Variants in AFF2 observed in about 807,000 individuals in gnomAD.
AFF2 encodes the protein AF4/FMR2 family member 2.
In AFF2, 14 loss-of-function variants were observed where a neutral mutation model predicts 76.9. The ratio of observed to expected loss-of-function variants is 0.18; its 90% CI spans 0.12 to 0.28. The LOEUF is 0.28. AFF2 is among the 10% of genes least tolerant of loss of function. AFF2 has a pLI of 1.00. For synonymous variants in AFF2, 398 were observed against 366.7 expected (o/e 1.09, Z -0.98); for missense variants, 868 against 1,001.1 (o/e 0.87, Z 1.79).
intron 1 of AFF2, among the ~76,000 whole-genome samples, chrX:148,627,080 A>C (rs1382423936): frequency 9.0e-6 from 1 of 111,432 alleles, no homozygotes; most frequent in Non-Finnish European, 1.9e-5. Context: ...ACATGGTGTC[A>C]TGCACCTGTA....
At chrX:148,910,639 G>T (rs1203899762) in intron 9 of AFF2, among the ~76,000 whole-genome samples, 1 of 112,160 alleles carries the variant, frequency 8.9e-6, no homozygotes, top group African/African-American at 3.2e-5. Context: ...CTGGTGCTGA[G>T]GTATGGCAAG....
intron 1 of AFF2, among the ~76,000 whole-genome samples, chrX:148,533,747 C>A (rs1390895518): frequency 8.9e-6 from 1 of 112,013 alleles, no homozygotes; most frequent in Non-Finnish European, 1.9e-5. Context: ...CTAATAAGAA[C>A]TTTAATAAGG....
intron 3 of AFF2, among the ~76,000 whole-genome samples, chrX:148,737,323 G>GT (rs1174207749): frequency 1.8e-5 from 2 of 110,984 alleles, no homozygotes; most frequent in Non-Finnish European, 3.8e-5. Context: ...CCTTGTAGAT[G>GT]TTTTTTTCTC....
rs782085653 is a variant in AFF2 at position 148,811,957 on chromosome X, T to C, written c.1086+2037T>C. 3.6e-5 allele frequency among the ~76,000 whole-genome samples: 4 copies of C among 111,331 alleles called. No homozygotes were observed. In the South Asian group the frequency reaches 1.5e-3, roughly 42 times the overall value. On this transcript the variant is annotated intron_variant, in intron 4 of 20. Transcript: ENST00000370460. Reference sequence around the variant, plus strand: ...AATCTAGAGAAATGTCTCTTTTTTTTGAAGGGCTATAGATTGTATAGAATT... The same window carrying C: ...AATCTAGAGAAATGTCTCTTTTTTTCGAAGGGCTATAGATTGTATAGAATT...
At chrX:148,897,572 A>AT (rs1179979506) in intron 8 of AFF2, among the ~76,000 whole-genome samples, 3 of 108,209 alleles carry the variant, frequency 2.8e-5, no homozygotes, top group Non-Finnish European at 3.8e-5. Context: ...TAGCAGGTTA[A>AT]TGATAAAGAT....
rs148630285 is a variant in AFF2 at position 148,977,004 on chromosome X, G to A, written c.3405-929G>A. ...GAGCCTGGGCTCCCCAGTGTTCTGCGGGGGAAGGTTGCTGAAAGCGAGGAG... is the reference window on the plus strand; with the variant it reads ...GAGCCTGGGCTCCCCAGTGTTCTGCAGGGGAAGGTTGCTGAAAGCGAGGAG... On this transcript the variant is annotated intron_variant, in intron 16 of 20. Coordinates refer to ENST00000370460, the MANE Select transcript of AFF2 (RefSeq NM_002025.4). Among the ~76,000 whole-genome samples, 14 of 111,999 alleles carry A rather than the reference G, an allele frequency of 1.3e-4. 1 individual carries two copies. The highest frequency in any genetic ancestry group is 2.6e-4 in the Non-Finnish European group (14 of 53,198).
chrX:148,501,320 T>TG (rs2124174483), intron 1 of AFF2, among the ~76,000 whole-genome samples, 176 bp downstream of exon 1: 1 of 111,908 alleles, frequency 8.9e-6, no homozygotes, highest in East Asian at 2.8e-4. Flanking sequence ...GATGCCGGGG[T>TG]GGGGGGAGGT....
At chrX:148,819,091 C>T (rs1557272373) in intron 4 of AFF2, among the ~76,000 whole-genome samples, 2 of 110,692 alleles carry the variant, frequency 1.8e-5, no homozygotes, top group African/African-American at 6.6e-5. Flanking sequence ...TATATCAATG[C>T]CGAGAAGCAA....
At chrX:148,911,602 C>G (rs782286723) in intron 9 of AFF2, among the ~76,000 whole-genome samples, 1 of 112,329 alleles carries the variant, frequency 8.9e-6, no homozygotes, top group South Asian at 3.8e-4. Context: ...TTAGCTTTGT[C>G]TTACCTAAGG....
intron 9 of AFF2, among the ~76,000 whole-genome samples, chrX:148,929,597 C>T (rs938949992): frequency 1.3e-4 from 15 of 111,766 alleles, no homozygotes; most frequent in African/African-American, 3.9e-4. Context: ...TGAGACCAGA[C>T]GAAAATGTCT....
rs1346071261 is a variant in AFF2 at position 148,768,149 on chromosome X, T to G, written c.1042-41727T>G. 1.7e-4 allele frequency among the ~76,000 whole-genome samples: 19 copies of G among 108,747 alleles called. No homozygotes were observed. The East Asian group carries it at 5.6e-3, about 32-fold the overall frequency. The allele number at this position is 108,747 out of a possible 115,157, so 94.4% of individuals were successfully genotyped here. On this transcript the variant is annotated intron_variant, in intron 3 of 20. Coordinates refer to ENST00000370460, the MANE Select transcript of AFF2 (RefSeq NM_002025.4). ...AGACTGATCAAATTTGTCTCTCTTCTGAAGTTTGTTCTGCCCCTTTTCAGC... is the reference window on the plus strand; with the variant it reads ...AGACTGATCAAATTTGTCTCTCTTCGGAAGTTTGTTCTGCCCCTTTTCAGC...
chrX:148,740,817 A>C (rs1225237168), intron 3 of AFF2, among the ~76,000 whole-genome samples: 1 of 111,849 alleles, frequency 8.9e-6, no homozygotes, highest in African/African-American at 3.3e-5. Context: ...GCTATTGTTC[A>C]GATTCTTTTG....
intron 9 of AFF2, among the ~76,000 whole-genome samples, chrX:148,935,557 T>TCAA (rs781850831): frequency 5.4e-5 from 6 of 111,601 alleles, no homozygotes; most frequent in Admixed American, 9.6e-5. Flanking sequence ...TAAGTCCAAA[T>TCAA]CAACACATAC....
At chrX:148,700,234 C>T (rs934723678) in intron 3 of AFF2, among the ~76,000 whole-genome samples, 1 of 111,208 alleles carries the variant, frequency 9.0e-6, no homozygotes, top group African/African-American at 3.3e-5. Flanking sequence ...GTTGCCAAAT[C>T]TCAACTTCCT....
At chrX:148,755,977 C>T (rs2055556959) in intron 3 of AFF2, among the ~76,000 whole-genome samples, 1 of 111,817 alleles carries the variant, frequency 8.9e-6, no homozygotes, top group Admixed American at 9.5e-5. Flanking sequence ...GGACCTGAGC[C>T]AGGAAACTAT....
In AFF2 at chrX:148,592,367, C is replaced by T. The variant is rs1313153107; in HGVS notation, c.48-59632C>T. On this transcript the variant is annotated intron_variant, in intron 1 of 20. Coordinates refer to ENST00000370460, the MANE Select transcript of AFF2 (RefSeq NM_002025.4). ...AAGGACTGGTTTTGGCCATTTTAGTCATTTTCCCATTTATCCCTTAGAAGA... is the reference window on the plus strand; with the variant it reads ...AAGGACTGGTTTTGGCCATTTTAGTTATTTTCCCATTTATCCCTTAGAAGA... Among the ~76,000 whole-genome samples, 5 of 110,468 alleles carry T rather than the reference C, an allele frequency of 4.5e-5. No homozygotes were observed. The East Asian group carries it at 1.4e-3, about 32-fold the overall frequency.
chrX:148,809,774 A>G, intron 3 of AFF2, 102 bp from the exon 4 acceptor site: 2 of 829,305 alleles, frequency 2.4e-6, no homozygotes, highest in African/African-American at 2.1e-5. Flanking sequence ...GAAAAAAATG[A>G]TAGCTAGATT....
chrX:148,606,383 A>T (rs1418828950), intron 1 of AFF2, among the ~76,000 whole-genome samples: 2 of 111,461 alleles, frequency 1.8e-5, no homozygotes, highest in African/African-American at 6.5e-5. Flanking sequence ...ATTAATGTTG[A>T]TTTCCTTTTT....
intron 3 of AFF2, among the ~76,000 whole-genome samples, chrX:148,790,210 A>G (rs782431160): frequency 2.7e-5 from 3 of 111,664 alleles, no homozygotes; most frequent in South Asian, 3.8e-4. Flanking sequence ...AGAAATTAGA[A>G]CGCTTTAATA....
Sources: gnomAD v4.1 joint callset for allele counts (sites outside exome capture counted in the v4.1 genomes callset) on GRCh38, gnomAD v4.1.1 for gene constraint, MANE v1.5 for transcripts, NCBI Gene and HGNC (gene_info 2026-07-23, HGNC 2026-07-21) for gene names.